SLIT2: variants seen among roughly 807,000 people sequenced by gnomAD.
SLIT2 encodes the protein slit guidance ligand 2.
SLIT2 carries 41 observed loss-of-function variants against 185.7 expected under a neutral mutation model. The ratio of observed to expected loss-of-function variants is 0.22; its 90% confidence interval spans 0.17 to 0.29. The LOEUF (loss-of-function observed/expected upper bound fraction) is 0.29. Among genes scored for constraint, SLIT2 ranks in the 10% least tolerant of loss-of-function variants. The pLI is 1.00. For synonymous variants in SLIT2, 693 were observed against 680.2 expected (o/e 1.02, Z -0.29); for missense variants, 1,571 against 1,909.0 (o/e 0.82, Z 3.30).
intron 4 of SLIT2, among the ~76,000 whole-genome samples, chr4:20,426,671 T>G (rs1728579904): frequency 6.6e-6 from 1 of 152,060 alleles, no homozygotes; most frequent in Admixed American, 6.6e-5. Flanking sequence ...AAACCGTAAC[T>G]TAAGAAATGA....
At chr4:20,367,891 GT>G (rs1305248320) in intron 4 of SLIT2, among the ~76,000 whole-genome samples, 1 of 152,120 alleles carries the variant, frequency 6.6e-6, no homozygotes, top group African/African-American at 2.4e-5. Flanking sequence ...TCTTACAGGG[GT>G]AATAGGGCTT....
At chr4:20,591,691 G>C (rs918698844) in intron 30 of SLIT2, among the ~76,000 whole-genome samples, 1 of 151,172 alleles carries the variant, frequency 6.6e-6, no homozygotes, top group Non-Finnish European at 1.5e-5. Flanking sequence ...AATTTAATTT[G>C]GCAAATTGAA....
intron 4 of SLIT2, among the ~76,000 whole-genome samples, chr4:20,458,013 T>C (rs1434445384): frequency 1.3e-5 from 2 of 151,908 alleles, no homozygotes; most frequent in African/African-American, 4.8e-5. Context: ...GTCACCAGTT[T>C]TAATTTTTGT....
chr4:20,620,267 T>A lies in SLIT2; in HGVS notation c.*1258T>A. The A allele has an allele frequency of 2.9e-6, 1 of 348,876 alleles. No individual in the cohort carries two copies. Among genetic ancestry groups the A allele is most frequent in the Admixed American group, 4.2e-5 (1 of 23,756 alleles). The allele number at this position is 348,876 out of a possible 1,614,324, so 21.6% of individuals were successfully genotyped here. The stretch of plus-strand genomic sequence containing the variant: ...AAAAAGACTGTCATATCAAGAACTG[T>A]GACTTTTCTTTCCCTCAAACAATAA... On this transcript the variant is annotated 3_prime_UTR_variant, in exon 37 of 37. Coordinates refer to ENST00000504154, the MANE Select transcript of SLIT2 (RefSeq NM_004787.4).
chr4:20,492,638 T>A (rs525684), intron 9 of SLIT2, among the ~76,000 whole-genome samples: 62,277 of 151,952 alleles, frequency 0.41, 13,675 homozygotes, highest in Middle Eastern at 0.59. Context: ...CAAAACCCCT[T>A]TTAACCACCC....
intron 4 of SLIT2, among the ~76,000 whole-genome samples, chr4:20,339,817 TA>T (rs929953541): frequency 6.7e-5 from 10 of 148,672 alleles, no homozygotes; most frequent in Non-Finnish European, 7.5e-5. Flanking sequence ...CAGTGTGATT[TA>T]AAAAAAAAAG....
chr4:20,495,369 T>C (rs1381332543), intron 9 of SLIT2, among the ~76,000 whole-genome samples: 1 of 152,138 alleles, frequency 6.6e-6, no homozygotes, highest in Non-Finnish European at 1.5e-5. Context: ...GCAAGATCAG[T>C]CTGGACACAG....
At chr4:20,526,489 A>G (rs761902636) in intron 15 of SLIT2, among the ~76,000 whole-genome samples, 48 of 152,302 alleles carry the variant, frequency 3.2e-4, no homozygotes, top group Admixed American at 3.3e-4. Context: ...TAAAACATTA[A>G]TATGATTTAA....
intron 9 of SLIT2, among the ~76,000 whole-genome samples, chr4:20,494,704 G>A (rs1236986529): frequency 4.6e-5 from 7 of 151,910 alleles, no homozygotes; most frequent in East Asian, 1.9e-4. Flanking sequence ...GCATGAACCC[G>A]GGGACAATGC....
intron 9 of SLIT2, among the ~76,000 whole-genome samples, chr4:20,506,414 G>A (rs551722722): frequency 6.6e-6 from 1 of 152,024 alleles, no homozygotes; most frequent in African/African-American, 2.4e-5. Flanking sequence ...ATGGAACAAT[G>A]GATTCAAATT....
intron 4 of SLIT2, among the ~76,000 whole-genome samples, chr4:20,293,644 A>G (rs985729964): frequency 2.0e-5 from 3 of 152,186 alleles, no homozygotes; most frequent in African/African-American, 4.8e-5. Flanking sequence ...ACCATTTCCC[A>G]TCTTCTACTA....
At chr4:20,366,629 CTCTA>C (rs1033682393) in intron 4 of SLIT2, among the ~76,000 whole-genome samples, 7 of 152,012 alleles carry the variant, frequency 4.6e-5, no homozygotes, top group African/African-American at 1.7e-4. Flanking sequence ...ATGTGCCTAT[CTCTA>C]TCTAAGTAAT....
chr4:20,397,164 G>C (rs1279201377), intron 4 of SLIT2, among the ~76,000 whole-genome samples: 1 of 151,658 alleles, frequency 6.6e-6, no homozygotes, highest in Non-Finnish European at 1.5e-5. Flanking sequence ...AGCCCCCAGA[G>C]TATCACAAGT....
At chr4:20,572,999 C>T (rs1725739470) in intron 29 of SLIT2, among the ~76,000 whole-genome samples, 1 of 152,176 alleles carries the variant, frequency 6.6e-6, no homozygotes, top group African/African-American at 2.4e-5. Flanking sequence ...CTGGTTGTTC[C>T]ATCACCTGGT....
rs1729948077 is a variant in SLIT2 at position 20,619,781 on chromosome 4, T to A, written c.*772T>A. 1 of 152,150 alleles carries A rather than the reference T, an allele frequency of 6.6e-6. No homozygotes were observed. Among genetic ancestry groups the A allele is most frequent in the South Asian group, 2.1e-4 (1 of 4,828 alleles). 9.4% of individuals were successfully genotyped at this position (152,150 alleles called of 1,614,324 possible). A position where few individuals can be genotyped will look rare whatever the true frequency, so the allele number is the denominator to read the frequency against. On this transcript the variant is annotated 3_prime_UTR_variant, in exon 37 of 37. Coordinates refer to ENST00000504154, the MANE Select transcript of SLIT2 (RefSeq NM_004787.4). ...CAGTATTCAGTTTCCATGAGAAATATTTATTGTATCAAAGTACATTGTACT... is the reference window on the plus strand; with the variant it reads ...CAGTATTCAGTTTCCATGAGAAATAATTATTGTATCAAAGTACATTGTACT...
intron 4 of SLIT2, among the ~76,000 whole-genome samples, chr4:20,407,323 A>C (rs1315961747): frequency 6.6e-6 from 1 of 152,226 alleles, no homozygotes; most frequent in African/African-American, 2.4e-5. Flanking sequence ...TAAGCAACTT[A>C]TTTAAAACAG....
chr4:20,383,201 A>G (rs1724666164), intron 4 of SLIT2, among the ~76,000 whole-genome samples: 1 of 152,222 alleles, frequency 6.6e-6, no homozygotes, highest in Non-Finnish European at 1.5e-5. Context: ...AACTTTGGTT[A>G]TAGCAAAGAT....
chr4:20,328,964 CAGAG>C (rs1368881888), intron 4 of SLIT2, among the ~76,000 whole-genome samples: 3 of 151,942 alleles, frequency 2.0e-5, no homozygotes, highest in Admixed American at 2.0e-4. Flanking sequence ...AGAAGAATGA[CAGAG>C]AGACAGAGAT....
intron 17 of SLIT2, among the ~76,000 whole-genome samples, chr4:20,532,496 T>C (rs1384899961): frequency 6.6e-6 from 1 of 152,180 alleles, no homozygotes; most frequent in Non-Finnish European, 1.5e-5. Flanking sequence ...ATAGCTCATC[T>C]GTGTTACTAC....
Sources: gnomAD v4.1 joint callset for allele counts (sites outside exome capture counted in the v4.1 genomes callset) on GRCh38, gnomAD v4.1.1 for gene constraint, MANE v1.5 for transcripts, NCBI Gene and HGNC (gene_info 2026-07-23, HGNC 2026-07-21) for gene names.